Variants in POLR1D observed in about 807,000 individuals in gnomAD.
The protein encoded by POLR1D is RNA polymerase I and III subunit D, also known as DNA-directed RNA polymerases I and III subunit RPAC2.
POLR1D carries 8 observed loss-of-function variants against 10.8 expected under a neutral mutation model. The observed-to-expected ratio is 0.74, with a 90% confidence interval of 0.43 to 1.33. The LOEUF is 1.33. Among genes scored for constraint, POLR1D ranks in the 40% most tolerant of loss-of-function variants. The pLI, the probability that POLR1D is intolerant of heterozygous loss-of-function variation, is 0.01. For missense variants in POLR1D, 152 were observed against 161.7 expected (o/e 0.94, Z 0.32); for synonymous variants, 54 against 57.2 (o/e 0.94, Z 0.25).
chr13:27,630,483 G>T (rs1956062235), intron 1 of POLR1D, among the ~76,000 whole-genome samples: 1 of 152,166 alleles, frequency 6.6e-6, no homozygotes, highest in Non-Finnish European at 1.5e-5. Context: ...GGGTGGGAGA[G>T]ACTTTCTCTT....
At chr13:27,638,030 A>G (rs751510198) in intron 1 of POLR1D, among the ~76,000 whole-genome samples, 2 of 152,162 alleles carry the variant, frequency 1.3e-5, no homozygotes, top group Non-Finnish European at 2.9e-5. Context: ...TCTCCCTGCC[A>G]GTGTGTAGAG....
At chr13:27,624,357 G>A (rs923497664), downstream of POLR1D, among the ~76,000 whole-genome samples, 4 of 152,144 alleles carry the variant, frequency 2.6e-5, no homozygotes, top group Admixed American at 6.5e-5. Context: ...ACAGGTAGTG[G>A]ACACTTAGTA....
At chr13:27,653,143 G>C in intron 2 of POLR1D, among the ~76,000 whole-genome samples, 1 of 151,648 alleles carries the variant, frequency 6.6e-6, no homozygotes, top group East Asian at 2.0e-4. Flanking sequence ...CCTAGTGATC[G>C]CCTGCCTTGG....
chr13:27,643,290 T>G (rs1956191125), intron 1 of POLR1D, among the ~76,000 whole-genome samples: 1 of 152,224 alleles, frequency 6.6e-6, no homozygotes, highest in Non-Finnish European at 1.5e-5. Context: ...AATAAGTCTT[T>G]TCATTTCCCA....
At chr13:27,649,234 CT>C (rs1956246319) in intron 2 of POLR1D, among the ~76,000 whole-genome samples, 2 of 152,158 alleles carry the variant, frequency 1.3e-5, no homozygotes, top group South Asian at 4.1e-4. Flanking sequence ...AGAAGCTAAA[CT>C]TCTGAACATA....
intron 1 of POLR1D, among the ~76,000 whole-genome samples, chr13:27,640,792 T>A (rs1956165929): frequency 6.6e-6 from 1 of 152,186 alleles, no homozygotes; most frequent in Non-Finnish European, 1.5e-5. Flanking sequence ...CTTCCCTCAG[T>A]ATCCCTGGGG....
intron 2 of POLR1D, among the ~76,000 whole-genome samples, chr13:27,658,479 T>C (rs1323421046): frequency 2.6e-5 from 4 of 152,344 alleles, no homozygotes; most frequent in Admixed American, 1.3e-4. Flanking sequence ...CCTGTTTTTT[T>C]CTAAGTATCT....
chr13:27,621,791 G>T, upstream of POLR1D: 1 of 475,376 alleles, frequency 2.1e-6, no homozygotes, highest in Non-Finnish European at 3.7e-6. Context: ...CGGGGCGGGG[G>T]CTGGGGGTGG....
chr13:27,634,915 T>C, intron 1 of POLR1D, among the ~76,000 whole-genome samples: 1 of 152,084 alleles, frequency 6.6e-6, no homozygotes. Context: ...GCTCAACCTA[T>C]CCACCTGCCT....
chr13:27,634,708 C>T (rs1386284788), intron 1 of POLR1D, among the ~76,000 whole-genome samples: 2 of 145,256 alleles, frequency 1.4e-5, no homozygotes, highest in African/African-American at 5.2e-5. Context: ...CATGGTCTCA[C>T]TCTGTCACCC....
chr13:27,630,242 C>G (rs138169044), intron 1 of POLR1D, among the ~76,000 whole-genome samples: 155 of 152,238 alleles, frequency 1.0e-3, no homozygotes, highest in African/African-American at 3.5e-3. Flanking sequence ...GTTCATTATG[C>G]AAGGCACTTA....
chr13:27,622,831 CAA>C (rs751506774), intron 1 of POLR1D, 42 bp from the exon 2 acceptor site: 2 of 1,292,516 alleles, frequency 1.5e-6, no homozygotes, highest in South Asian at 1.2e-5. Context: ...AGTTACAAAA[CAA>C]TATTCAGTAT....
At chr13:27,648,432 A>C in exon 2 of POLR1D, 1 of 1,609,726 alleles carries the variant, frequency 6.2e-7, no homozygotes, top group Non-Finnish European at 8.5e-7. Context: ...ACTAGAGCTG[A>C]AACAATGGGA....
In POLR1D at chr13:27,633,294, G is replaced by A. The variant is rs115687161; in HGVS notation, c.26+11285G>A. On this transcript the variant is annotated intron_variant, in intron 1 of 2. Coordinates refer to the POLR1D transcript ENST00000399697. ...CTGCAAGGCCAAATTTGACTGCAAC[G>A]CATCTCACATTAATGAGAACTGACC... 7.0e-3 allele frequency among the ~76,000 whole-genome samples: 1,060 copies of A among 152,276 alleles called. 9 individuals are homozygous for A. Among genetic ancestry groups the A allele is most frequent in the African/African-American group, 0.024 (999 of 41,534 alleles).
chr13:27,621,676 G>C (rs942860242), upstream of POLR1D: 17 of 216,210 alleles, frequency 7.9e-5, no homozygotes, highest in Non-Finnish European at 1.4e-4. Flanking sequence ...TCTGGGCCTC[G>C]GGGTAAGGCG....
intron 1 of POLR1D, among the ~76,000 whole-genome samples, chr13:27,629,932 G>A (rs940956937): frequency 2.6e-5 from 4 of 151,908 alleles, no homozygotes; most frequent in African/African-American, 9.7e-5. Context: ...TTATTTTTGA[G>A]ATGGAGTCTC....
chr13:27,642,616 CCCAT>C (rs1485747820), intron 1 of POLR1D, among the ~76,000 whole-genome samples: 219 of 152,094 alleles, frequency 1.4e-3, no homozygotes, highest in African/African-American at 4.9e-3. Context: ...ATACCCAGAA[CCCAT>C]TTATTCCCCA....
At chr13:27,661,201 TG>T (rs1323806332) in intron 2 of POLR1D, among the ~76,000 whole-genome samples, 1 of 152,182 alleles carries the variant, frequency 6.6e-6, no homozygotes, top group East Asian at 1.9e-4. Context: ...GGTTTCAAAG[TG>T]AAGGAAATTG....
chr13:27,634,394 A>G (rs1203504673), intron 1 of POLR1D, among the ~76,000 whole-genome samples: 1 of 152,202 alleles, frequency 6.6e-6, no homozygotes, highest in African/African-American at 2.4e-5. Flanking sequence ...ATCGGAGAGC[A>G]ATGAAAGATC....
Sources: allele counts gnomAD v4.1 joint callset (sites outside exome capture counted in the v4.1 genomes callset), GRCh38; gene constraint gnomAD v4.1.1; transcripts MANE v1.5; gene names NCBI Gene and HGNC (gene_info 2026-07-23, HGNC 2026-07-21).